Variants in RAB3GAP2 observed in about 807,000 individuals in gnomAD.
The protein encoded by RAB3GAP2 is rab3 GTPase-activating protein non-catalytic subunit.
Under a neutral mutation model 185.3 loss-of-function variants are expected in RAB3GAP2, and 87 were observed. The observed-to-expected ratio is 0.47, with a 90% CI of 0.39 to 0.56. The LOEUF (loss-of-function observed/expected upper bound fraction) is 0.56. Ranked by LOEUF, RAB3GAP2 falls within the 20% of genes least tolerant of loss-of-function variation. The probability of loss-of-function intolerance (pLI) is 0.00; values close to 1 mark genes in which losing one functional copy is unlikely to be tolerated. For synonymous variants in RAB3GAP2, 554 were observed against 576.1 expected (o/e 0.96, Z 0.55); for missense variants, 1,492 against 1,638.2 (o/e 0.91, Z 1.54).
chr1:220,252,869 T>C (rs919710231), intron 1 of RAB3GAP2, among the ~76,000 whole-genome samples: 1 of 152,102 alleles, frequency 6.6e-6, no homozygotes, highest in East Asian at 1.9e-4. Flanking sequence ...TCTGTATATA[T>C]CCCTAAGAAG....
rs12032738 is a variant in RAB3GAP2, at chr1:220,151,795, G to C, written c.3868-31C>G. On this transcript the variant is annotated intron_variant, in intron 33 of 34. Transcript: ENST00000358951. Reference sequence around the variant, plus strand: ...GATAGGAACATGGAGAAATAATACAGTCAGAGTGAGCAGATTTGTTTATTC... The same window carrying C: ...GATAGGAACATGGAGAAATAATACACTCAGAGTGAGCAGATTTGTTTATTC... 59,959 of 1,563,878 alleles carry C rather than the reference G, an allele frequency of 0.038. 1,423 individuals carry two copies. The highest frequency in any genetic ancestry group is 0.079 in the African/African-American group (5,838 of 73,804).
chr1:220,229,056 C>T (rs1432486043), intron 2 of RAB3GAP2, among the ~76,000 whole-genome samples: 1 of 152,032 alleles, frequency 6.6e-6, no homozygotes, highest in Non-Finnish European at 1.5e-5. Flanking sequence ...TTAGTATATC[C>T]TTGCTGAAAA....
intron 11 of RAB3GAP2, 42 bp from the exon 12 acceptor site, chr1:220,195,209 G>C (rs182288116): frequency 6.2e-7 from 1 of 1,608,368 alleles, no homozygotes; most frequent in East Asian, 2.2e-5. Context: ...TGAGCTTCCA[G>C]GGTTTTAAAG....
intron 28 of RAB3GAP2, among the ~76,000 whole-genome samples, chr1:220,160,602 T>G (rs192652879): frequency 1.5e-3 from 233 of 152,356 alleles, no homozygotes; most frequent in Admixed American, 3.7e-3. Flanking sequence ...TCTTAGCTTT[T>G]CTTTTCTTCT....
At position 220,172,518 on chromosome 1, in the gene RAB3GAP2, C is replaced by T. The variant is rs7527410; in HGVS notation, c.2416+119G>A. 22,519 of 687,824 alleles carry T rather than the reference C, an allele frequency of 0.033. 1,170 individuals carry two copies. Among genetic ancestry groups the T allele is most frequent in the East Asian group, 0.19 (7,156 of 37,022 alleles). 42.6% of individuals were successfully genotyped at this position (687,824 alleles called of 1,614,324 possible). On this transcript the variant is annotated intron_variant, in intron 22 of 34. Coordinates refer to ENST00000358951, the MANE Select transcript of RAB3GAP2 (RefSeq NM_012414.4). ...CTATTAATACATAAAAGAATCTCTA[C>T]GGTGAAATGTTTTGTACACTACAGA...
chr1:220,181,338 G>A (rs1658400786), intron 21 of RAB3GAP2, among the ~76,000 whole-genome samples: 1 of 152,056 alleles, frequency 6.6e-6, no homozygotes, highest in South Asian at 2.1e-4. Context: ...CATGGTTTTG[G>A]TAATGGAGGG....
intron 22 of RAB3GAP2, 121 bp downstream of exon 22, chr1:220,172,516 T>C (rs959547336): frequency 5.8e-6 from 4 of 685,394 alleles, no homozygotes; most frequent in Non-Finnish European, 1.0e-5. Context: ...AAAGAATCTC[T>C]ACGGTGAAAT....
At chr1:220,251,077 T>C (rs1293370917) in intron 1 of RAB3GAP2, among the ~76,000 whole-genome samples, 1 of 152,128 alleles carries the variant, frequency 6.6e-6, no homozygotes, top group East Asian at 1.9e-4. Context: ...AGAAAAGCCA[T>C]AAAAGGAGGC....
At chr1:220,162,326 CAT>C (rs1657977244) in intron 27 of RAB3GAP2, 58 bp from the exon 28 acceptor site, 1 of 1,163,512 alleles carries the variant, frequency 8.6e-7, no homozygotes, top group African/African-American at 1.5e-5. Flanking sequence ...TTTTATTACA[CAT>C]AAATTACTCT....
chr1:220,200,597 T>C (rs571927624), intron 9 of RAB3GAP2: 2 of 529,544 alleles, frequency 3.8e-6, no homozygotes, highest in Admixed American at 1.9e-5. Context: ...TCCAATCATT[T>C]TCCCTAGCCA....
chr1:220,157,269 C>A lies in RAB3GAP2; in HGVS notation c.3555+1G>T. On this transcript the variant is annotated splice_donor_variant, in intron 31 of 34. Coordinates refer to ENST00000358951, the MANE Select transcript of RAB3GAP2 (RefSeq NM_012414.4). LOFTEE classifies it high-confidence loss of function. ...GCTCTGAAATCCTGTGAGGTACTTA[C>A]CTTACTGTCAAAAAGTGAAAGTGGC... is the stretch of plus-strand genomic sequence containing the variant. The A allele has an allele frequency of 2.5e-6, 4 of 1,611,972 alleles. No individual in the cohort carries two copies. The highest frequency in any genetic ancestry group is 3.4e-6 in the Non-Finnish European group (4 of 1,178,254).
chr1:220,232,420 C>T (rs922318228), intron 2 of RAB3GAP2, among the ~76,000 whole-genome samples: 2 of 152,144 alleles, frequency 1.3e-5, no homozygotes, highest in Non-Finnish European at 2.9e-5. Context: ...GTTTTCTTCC[C>T]TCCCACCCTC....
intron 1 of RAB3GAP2, chr1:220,253,798 C>A: frequency 1.2e-6 from 2 of 1,611,980 alleles, no homozygotes; most frequent in Non-Finnish European, 1.7e-6. Context: ...GCGAGAACTT[C>A]AAAAAGCCAA....
chr1:220,245,209 A>C (rs573931701), intron 1 of RAB3GAP2, among the ~76,000 whole-genome samples: 1 of 152,100 alleles, frequency 6.6e-6, no homozygotes, highest in East Asian at 1.9e-4. Context: ...AGCTCCCAGC[A>C]TGAGTGACAC....
At chr1:220,212,445 C>T (rs573573435) in intron 4 of RAB3GAP2, among the ~76,000 whole-genome samples, 4 of 152,126 alleles carry the variant, frequency 2.6e-5, no homozygotes, top group East Asian at 1.9e-4. Flanking sequence ...AGTTAGGATA[C>T]ATATACATTT....
At chr1:220,233,765 A>G (rs1022602227) in intron 1 of RAB3GAP2, among the ~76,000 whole-genome samples, 16 of 152,204 alleles carry the variant, frequency 1.1e-4, no homozygotes, top group African/African-American at 2.4e-4. Flanking sequence ...CAATAGCGCA[A>G]TCTTGGCTCA....
chr1:220,165,194 C>T (rs1658041601), intron 26 of RAB3GAP2, among the ~76,000 whole-genome samples: 1 of 147,174 alleles, frequency 6.8e-6, no homozygotes, highest in East Asian at 2.0e-4. Flanking sequence ...ATGCACCAAG[C>T]CCTATTTGAA....
intron 2 of RAB3GAP2, among the ~76,000 whole-genome samples, chr1:220,229,420 C>T (rs1659458705): frequency 6.6e-6 from 1 of 152,160 alleles, no homozygotes; most frequent in Non-Finnish European, 1.5e-5. Flanking sequence ...GGCCTACTTG[C>T]TTCTCTGACC....
Position 220,171,059 on chromosome 1 carries a change from G to T in RAB3GAP2, c.2639C>A (p.Ser880Tyr), listed in dbSNP as rs1248247391. The change falls in exon 24 of 35, where the codon TCT becomes TAT. Residue 880 changes from serine to tyrosine, a missense_variant. Physicochemically the swap from Ser to Tyr is moderately radical, Grantham distance 144. Transcript: ENST00000358951. ...GAGTTTCCAGTACTCAGTGTCAAGA[G>T]AAAGTGCCTCCCAGGAATCAGTGAG... ...EALTDSWEAL[S>Y]LDTEYWKLLL... 6.2e-7 allele frequency: 1 copy of T among 1,614,146 alleles called. No individual in the cohort carries two copies. The highest frequency in any genetic ancestry group is 1.7e-5 in the Admixed American group (1 of 60,010).
Sources: gnomAD v4.1 joint callset for allele counts (sites outside exome capture counted in the v4.1 genomes callset) on GRCh38, gnomAD v4.1.1 for gene constraint, MANE v1.5 for transcripts, NCBI Gene and HGNC (gene_info 2026-07-23, HGNC 2026-07-21) for gene names.